CCSER1: variants seen among roughly 807,000 people sequenced by gnomAD.
The protein encoded by CCSER1 is coiled-coil serine rich protein 1.
A neutral mutation model predicts 82.0 loss-of-function variants in CCSER1; 41 were observed. The ratio of observed to expected loss-of-function variants is 0.50; its 90% CI spans 0.39 to 0.65. The LOEUF is 0.65. Among genes scored for constraint, CCSER1 ranks in the 30% least tolerant of loss-of-function variants. The pLI is 0.00. For synonymous variants in CCSER1, 414 were observed against 383.9 expected, an observed-to-expected ratio of 1.08 and a Z score of -0.92; for missense variants, 1,119 against 1,064.2, an observed-to-expected ratio of 1.05 and a Z score of -0.72.
chr4:90,202,472 G>A (rs1737938177), intron 1 of CCSER1, among the ~76,000 whole-genome samples: 1 of 151,982 alleles, frequency 6.6e-6, no homozygotes, highest in South Asian at 2.1e-4. Flanking sequence ...CAGAGTGCTG[G>A]AATTATAGGC....
At chr4:91,203,373 T>G (rs1238619706) in intron 10 of CCSER1, among the ~76,000 whole-genome samples, 1 of 151,924 alleles carries the variant, frequency 6.6e-6, no homozygotes, top group Non-Finnish European at 1.5e-5. Context: ...ATTTAAAAGT[T>G]TATTGTAACC....
intron 7 of CCSER1, among the ~76,000 whole-genome samples, chr4:90,729,061 C>G (rs1744236443): frequency 6.6e-6 from 1 of 152,090 alleles, no homozygotes; most frequent in Non-Finnish European, 1.5e-5. Context: ...TATGTGAGAC[C>G]TTGAGCCAGT....
intron 10 of CCSER1, among the ~76,000 whole-genome samples, chr4:91,488,382 A>C (rs1048861868): frequency 6.6e-6 from 1 of 152,214 alleles, no homozygotes. Flanking sequence ...CATTAATTCA[A>C]TAAACATTTA....
chr4:90,186,758 A>AT (rs1239025740), intron 1 of CCSER1, among the ~76,000 whole-genome samples: 1 of 151,300 alleles, frequency 6.6e-6, no homozygotes, highest in Non-Finnish European at 1.5e-5. Flanking sequence ...TTCCTTTTCT[A>AT]TTTTTTTGTT....
Position 90,468,275 on chromosome 4 carries a change from G to T in CCSER1, c.1645G>T (p.Ala549Ser). 1 of 1,607,842 alleles carries T rather than the reference G, an allele frequency of 6.2e-7. No homozygotes were observed. The highest frequency in any genetic ancestry group is 1.1e-5 in the South Asian group (1 of 90,054). ...DSYHSVVSCA[A>S]VVLTPMEPMI... ...ATATCACTCTGTCGTCTCATGTGCCGCAGTAGTTCTTACTCCTATGGAACC... is the reference window on the plus strand; with the variant it reads ...ATATCACTCTGTCGTCTCATGTGCCTCAGTAGTTCTTACTCCTATGGAACC... Residue 549 changes from alanine to serine, a missense_variant, in exon 5 of 11, where the codon GCA (alanine) becomes TCA (serine). Ala to Ser is a moderately conservative substitution (Grantham distance 99, BLOSUM62 1). Coordinates refer to ENST00000509176, the MANE Select transcript of CCSER1 (RefSeq NM_001145065.2).
chr4:90,566,032 A>ATTTTTTTTT (rs375375662), intron 5 of CCSER1, among the ~76,000 whole-genome samples: 1 of 122,550 alleles, frequency 8.2e-6, no homozygotes, highest in Non-Finnish European at 1.8e-5. Flanking sequence ...TAATTTTTGT[A>ATTTTTTTTT]TTTTTTTTTT....
chr4:90,412,430 C>T lies in CCSER1; in HGVS notation c.1603+12301C>T, dbSNP rs1442024102. On this transcript the variant is annotated intron_variant, in intron 4 of 10. Coordinates refer to ENST00000509176, the MANE Select transcript of CCSER1 (RefSeq NM_001145065.2). ...GGTATACATATGTAACAAACTTACA[C>T]GTTGTGCATGTGTACCCTAAAACTT... Among the ~76,000 whole-genome samples the T allele has an allele frequency of 3.3e-5, 5 of 150,496 alleles. 1 individual carries two copies. Among genetic ancestry groups the T allele is most frequent in the Middle Eastern group, 6.9e-3 (2 of 290 alleles).
At chr4:90,303,200 G>T (rs190827405) in intron 1 of CCSER1, among the ~76,000 whole-genome samples, 1 of 152,152 alleles carries the variant, frequency 6.6e-6, no homozygotes, top group Non-Finnish European at 1.5e-5. Context: ...TAGATTATTT[G>T]TGCCCAGTGG....
At chr4:90,131,459 T>C (rs1472113292) in intron 1 of CCSER1, among the ~76,000 whole-genome samples, 1 of 152,204 alleles carries the variant, frequency 6.6e-6, no homozygotes, top group Non-Finnish European at 1.5e-5. Context: ...GTTTTCGGTA[T>C]TTCCCTAAGC....
At chr4:90,938,644 C>A (rs1731235375) in intron 9 of CCSER1, 1 of 348,706 alleles carries the variant, frequency 2.9e-6, no homozygotes, top group South Asian at 2.4e-5. Flanking sequence ...TTATTGATTT[C>A]ATTCATTTCT....
At chr4:91,402,578 G>A (rs1380880171) in intron 10 of CCSER1, among the ~76,000 whole-genome samples, 4 of 152,140 alleles carry the variant, frequency 2.6e-5, no homozygotes, top group Non-Finnish European at 5.9e-5. Flanking sequence ...TGTATAAGGT[G>A]TAAGGAAGGG....
intron 1 of CCSER1, among the ~76,000 whole-genome samples, chr4:90,264,613 A>G (rs991013502): frequency 6.6e-6 from 1 of 152,070 alleles, no homozygotes; most frequent in African/African-American, 2.4e-5. Context: ...ATATTTCTAA[A>G]CTTTATTTTT....
chr4:90,715,506 GT>G (rs1020012899), intron 6 of CCSER1, among the ~76,000 whole-genome samples: 2 of 152,032 alleles, frequency 1.3e-5, no homozygotes, highest in Non-Finnish European at 2.9e-5. Flanking sequence ...CAAGATCAGA[GT>G]AGAGCTAAGA....
At chr4:91,364,867 GTT>G (rs200914300) in intron 10 of CCSER1, among the ~76,000 whole-genome samples, 1 of 151,716 alleles carries the variant, frequency 6.6e-6, no homozygotes, top group Non-Finnish European at 1.5e-5. Context: ...TTAATTCTAA[GTT>G]TTTTTTCTCT....
At chr4:91,552,507 G>A (rs1762203370) in intron 10 of CCSER1, among the ~76,000 whole-genome samples, 1 of 151,522 alleles carries the variant, frequency 6.6e-6, no homozygotes, top group African/African-American at 2.4e-5. Flanking sequence ...TGAGAGGATG[G>A]GTGGTATGCT....
intron 5 of CCSER1, among the ~76,000 whole-genome samples, chr4:90,482,965 A>G (rs955094255): frequency 6.6e-5 from 10 of 152,158 alleles, no homozygotes; most frequent in Admixed American, 2.6e-4. Flanking sequence ...TGATGTTGAC[A>G]GTGGGGTGTT....
chr4:90,309,874 T>TA (rs1734993170), intron 2 of CCSER1, among the ~76,000 whole-genome samples: 2 of 152,230 alleles, frequency 1.3e-5, no homozygotes, highest in East Asian at 1.9e-4. Context: ...GCCTCTTAGT[T>TA]ACGGTGTTTA....
At chr4:90,197,103 CT>C (rs1432742006) in intron 1 of CCSER1, among the ~76,000 whole-genome samples, 6 of 152,088 alleles carry the variant, frequency 3.9e-5, no homozygotes, top group Non-Finnish European at 8.8e-5. Context: ...CCTCCTTGGG[CT>C]TCATTAATTT....
rs147688852 is a variant in CCSER1, at chr4:90,160,086, A to T, written c.-42+32255A>T. Among the ~76,000 whole-genome samples the T allele has an allele frequency of 2.6e-5, 4 of 152,328 alleles. No individual in the cohort carries two copies. In the East Asian group the frequency reaches 7.7e-4, roughly 29 times the overall value. ...TGAAGAGGTTATGTAACTTGCAGAGATTACACAGCTTGTTGGGGGCAGAGC... is the reference window on the plus strand; with the variant it reads ...TGAAGAGGTTATGTAACTTGCAGAGTTTACACAGCTTGTTGGGGGCAGAGC... On this transcript the variant is annotated intron_variant, in intron 1 of 10. Transcript: ENST00000509176.
Sources: allele counts gnomAD v4.1 joint callset (sites outside exome capture counted in the v4.1 genomes callset), GRCh38; gene constraint gnomAD v4.1.1; transcripts MANE v1.5; gene names NCBI Gene and HGNC (gene_info 2026-07-23, HGNC 2026-07-21).